SEC14L1: variants seen among roughly 807,000 people sequenced by gnomAD.
The protein encoded by SEC14L1 is SEC14 like lipid binding 1, also known as SEC14-like protein 1.
SEC14L1 carries 48 observed loss-of-function variants against 85.3 expected under a neutral mutation model. The observed-to-expected ratio is 0.56, with a 90% CI of 0.45 to 0.72. The LOEUF (loss-of-function observed/expected upper bound fraction) is 0.72. SEC14L1 is among the 30% of genes least tolerant of loss of function. The pLI is 0.00. For missense variants in SEC14L1, 682 were observed against 921.4 expected (o/e 0.74, Z 3.36); for synonymous variants, 391 against 355.5 (o/e 1.10, Z -1.12).
chr17:77,135,535 CCTTT>C (rs1489018592), intron 3 of SEC14L1, among the ~76,000 whole-genome samples: 1 of 152,028 alleles, frequency 6.6e-6, no homozygotes, highest in African/African-American at 2.4e-5. Context: ...TTCCTTCCTT[CCTTT>C]CTTTCGAGAC....
intron 3 of SEC14L1, among the ~76,000 whole-genome samples, chr17:77,181,766 C>G (rs1231453845): frequency 6.6e-6 from 1 of 152,152 alleles, no homozygotes; most frequent in African/African-American, 2.4e-5. Flanking sequence ...GTTCCTGTGC[C>G]TTCCACTTGT....
At chr17:77,178,824 C>A (rs186160843) in intron 3 of SEC14L1, among the ~76,000 whole-genome samples, 46 of 152,170 alleles carry the variant, frequency 3.0e-4, no homozygotes, top group Non-Finnish European at 1.5e-5. Flanking sequence ...TTCTCAGCAG[C>A]GCACGGACCG....
intron 3 of SEC14L1, among the ~76,000 whole-genome samples, chr17:77,118,166 T>C (rs909755770): frequency 6.6e-6 from 1 of 152,188 alleles, no homozygotes; most frequent in Admixed American, 6.5e-5. Context: ...TAAGGGTGAG[T>C]GCGGCAGGCC....
chr17:77,157,255 G>A (rs1973854579), intron 3 of SEC14L1, among the ~76,000 whole-genome samples: 1 of 152,168 alleles, frequency 6.6e-6, no homozygotes, highest in South Asian at 2.1e-4. Flanking sequence ...AGGATTTATG[G>A]CATTAATATT....
intron 8 of SEC14L1, among the ~76,000 whole-genome samples, chr17:77,197,010 C>T (rs1975846579): frequency 6.6e-6 from 1 of 152,242 alleles, no homozygotes; most frequent in African/African-American, 2.4e-5. Flanking sequence ...CGTGAGGAAA[C>T]TGAGGCACAG....
In SEC14L1 at chr17:77,183,669, T is replaced by G. The variant is rs577535016; in HGVS notation, c.64-7134T>G. Reference sequence around the variant, plus strand: ...AAAAATAAAAAAGTGTTATTCAATATGAAACGCATGGTTGCATTTCCTTGG... The same window carrying G: ...AAAAATAAAAAAGTGTTATTCAATAGGAAACGCATGGTTGCATTTCCTTGG... On this transcript the variant is annotated intron_variant, in intron 3 of 16. Transcript: ENST00000436233. Among the ~76,000 whole-genome samples the G allele has an allele frequency of 8.1e-4, 123 of 152,324 alleles. 1 individual carries two copies. Among genetic ancestry groups the G allele is most frequent in the African/African-American group, 2.9e-3 (121 of 41,588 alleles).
At chr17:77,197,849 G>A (rs1019818545) in intron 8 of SEC14L1, among the ~76,000 whole-genome samples, 32 of 152,136 alleles carry the variant, frequency 2.1e-4, no homozygotes, top group South Asian at 2.1e-4. Context: ...CAAGTGATCC[G>A]CCTGCCTTAG....
At chr17:77,177,414 T>A (rs1295876299) in intron 3 of SEC14L1, among the ~76,000 whole-genome samples, 3 of 150,752 alleles carry the variant, frequency 2.0e-5, no homozygotes, top group Non-Finnish European at 4.4e-5. Flanking sequence ...TGAATTTCAT[T>A]TGAAAGCTCA....
chr17:77,172,612 T>C lies in SEC14L1; in HGVS notation c.64-18191T>C, dbSNP rs527437848. Among the ~76,000 whole-genome samples, 7 of 152,328 alleles carry C rather than the reference T, an allele frequency of 4.6e-5. No individual in the cohort carries two copies. The East Asian group carries it at 1.2e-3, about 25-fold the overall frequency. On this transcript the variant is annotated intron_variant, in intron 3 of 16. Transcript: ENST00000436233. ...CTGCTCTATAGATTTATCTTTCCAG[T>C]TCTCTATTTTCTATAACGTGTTTTG...
In SEC14L1 at chr17:77,148,461, C is replaced by G. The variant is rs1343855460; in HGVS notation, c.63+4802C>G. Among the ~76,000 whole-genome samples, 8 of 152,302 alleles carry G rather than the reference C, an allele frequency of 5.3e-5. No homozygotes were observed. The East Asian group carries it at 1.5e-3, about 29-fold the overall frequency. ...CCACCCTGTCCAGTGCCGTTTCTGT[C>G]TGGGCTTATTTCCATTACACAGCAG... On this transcript the variant is annotated intron_variant, in intron 3 of 16. Coordinates refer to ENST00000436233, the MANE Select transcript of SEC14L1 (RefSeq NM_001143998.2).
At chr17:77,164,707 G>T (rs928516794) in intron 3 of SEC14L1, among the ~76,000 whole-genome samples, 12 of 152,104 alleles carry the variant, frequency 7.9e-5, no homozygotes, top group African/African-American at 2.9e-4. Context: ...ATGATAATTG[G>T]GTGGGTGCGG....
chr17:77,147,985 G>A (rs533770315), intron 3 of SEC14L1, among the ~76,000 whole-genome samples: 3 of 152,306 alleles, frequency 2.0e-5, no homozygotes, highest in South Asian at 2.1e-4. Context: ...AAGATCTCAC[G>A]GGAGCATAGT....
rs150603073 is a variant in SEC14L1, at chr17:77,174,987, A to G, written c.64-15816A>G. 3.8e-3 allele frequency among the ~76,000 whole-genome samples: 578 copies of G among 152,268 alleles called. 4 individuals carry two copies. Among genetic ancestry groups the G allele is most frequent in the South Asian group, 0.01 (50 of 4,830 alleles). ...TGGCTAAGACTTAAAACTTTTTTGA[A>G]TAGGATAAACGCATGATTTGTAAGA... On this transcript the variant is annotated intron_variant, in intron 3 of 16. Coordinates refer to ENST00000436233, the MANE Select transcript of SEC14L1 (RefSeq NM_001143998.2).
chr17:77,200,625 C>T lies in SEC14L1; in HGVS notation c.961C>T (p.Gln321Ter), dbSNP rs1976087185. 2 of 1,614,104 alleles carry T rather than the reference C, an allele frequency of 1.2e-6. No individual in the cohort carries two copies. The highest frequency in any genetic ancestry group is 1.7e-6 in the Non-Finnish European group (2 of 1,180,008). Residue 321 changes from glutamine to a stop codon, truncating the protein, a stop_gained, in exon 9 of 17, where the codon CAG (glutamine) becomes TAG (stop). Coordinates refer to ENST00000436233, the MANE Select transcript of SEC14L1 (RefSeq NM_001143998.2). LOFTEE classifies it high-confidence loss of function. The part of the protein sequence containing the change: ...DYILETWTPP[Q>*]VLQDYYAGGW... The stretch of plus-strand genomic sequence containing the variant: ...CATTCTTGAAACCTGGACCCCTCCT[C>T]AGGTCCTTCAGGATTACTACGCGGG...
upstream of SEC14L1, chr17:77,140,647 C>G (rs1032858656): frequency 6.6e-6 from 1 of 152,460 alleles, no homozygotes; most frequent in African/African-American, 2.4e-5. Context: ...CGCCTCCGCC[C>G]GCTACTCGCG....
intron 3 of SEC14L1, among the ~76,000 whole-genome samples, chr17:77,099,623 G>A (rs1461460173): frequency 6.6e-6 from 1 of 152,144 alleles, no homozygotes; most frequent in Non-Finnish European, 1.5e-5. Flanking sequence ...CGGGTGTGGT[G>A]GCACACTCCT....
intron 3 of SEC14L1, among the ~76,000 whole-genome samples, chr17:77,161,934 CTT>C (rs904201608): frequency 7.8e-5 from 9 of 115,252 alleles, no homozygotes; most frequent in Admixed American, 9.4e-5. Context: ...TCTTCTTCTT[CTT>C]TTTTTTTTTT....
intron 3 of SEC14L1, among the ~76,000 whole-genome samples, chr17:77,157,531 T>C (rs1973864027): frequency 1.1e-5 from 1 of 94,764 alleles, no homozygotes; most frequent in African/African-American, 3.4e-5. Context: ...CTATTATAAC[T>C]TTTTTTTTTT....
intron 3 of SEC14L1, among the ~76,000 whole-genome samples, chr17:77,146,613 CTT>C (rs1004278715): frequency 6.7e-6 from 1 of 150,110 alleles, no homozygotes; most frequent in African/African-American, 2.5e-5. Context: ...CCTTTTTTTT[CTT>C]TTTTTTATGA....
Sources: allele counts gnomAD v4.1 joint callset (sites outside exome capture counted in the v4.1 genomes callset), GRCh38; gene constraint gnomAD v4.1.1; transcripts MANE v1.5; gene names NCBI Gene and HGNC (gene_info 2026-07-23, HGNC 2026-07-21).